ZMAT4: variants seen among roughly 807,000 people sequenced by gnomAD.
ZMAT4 encodes zinc finger matrin-type 4.
ZMAT4 carries 17 observed loss-of-function variants against 28.7 expected under a neutral mutation model. That is an observed-to-expected ratio of 0.59 (90% confidence interval 0.41 to 0.89). The LOEUF (loss-of-function observed/expected upper bound fraction) is 0.89, where lower values mean the gene tolerates loss of function less well. Among genes scored for constraint, ZMAT4 ranks in the 40% least tolerant of loss-of-function variants. The probability of loss-of-function intolerance (pLI) is 0.00; values close to 1 mark genes in which losing one functional copy is unlikely to be tolerated. For synonymous variants in ZMAT4, 117 were observed against 109.2 expected, an observed-to-expected ratio of 1.07 and a Z score of -0.44; for missense variants, 240 against 283.8, an observed-to-expected ratio of 0.85 and a Z score of 1.11.
rs1474201834 is a variant in ZMAT4, at chr8:40,668,888, T to TA, written c.577+5815_577+5816insT. On this transcript the variant is annotated intron_variant, in intron 5 of 6. Transcript: ENST00000297737. ...AACTGCCTTTTAAAGTGTTTTTTTT[T>TA]TTTTATATTGGACAATGCCCTTGAC... Among the ~76,000 whole-genome samples the TA allele has an allele frequency of 5.3e-5, 8 of 151,862 alleles. No homozygotes were observed. In the East Asian group the frequency reaches 1.5e-3, roughly 29 times the overall value.
chr8:40,634,782 C>G (rs1806729799), intron 5 of ZMAT4, among the ~76,000 whole-genome samples: 1 of 152,150 alleles, frequency 6.6e-6, no homozygotes, highest in African/African-American at 2.4e-5. Context: ...TAATCTCATA[C>G]AACTCGCTTG....
intron 5 of ZMAT4, among the ~76,000 whole-genome samples, chr8:40,654,347 A>G (rs1205781801): frequency 6.6e-6 from 1 of 152,130 alleles, no homozygotes; most frequent in African/African-American, 2.4e-5. Flanking sequence ...AATGCATGCA[A>G]TGAGGCACTT....
intron 5 of ZMAT4, among the ~76,000 whole-genome samples, chr8:40,628,130 G>A (rs1256391923): frequency 3.9e-5 from 6 of 152,120 alleles, no homozygotes; most frequent in African/African-American, 1.2e-4. Context: ...TCAACATCTC[G>A]ATCATAGCAT....
chr8:40,768,883 C>G (rs1188649006), intron 2 of ZMAT4, among the ~76,000 whole-genome samples: 1 of 152,120 alleles, frequency 6.6e-6, no homozygotes, highest in African/African-American at 2.4e-5. Flanking sequence ...ACTTTATTTA[C>G]AGTTGCATCC....
intron 3 of ZMAT4, among the ~76,000 whole-genome samples, chr8:40,756,455 T>TATATATATATATATATATATATATAC (rs1171649512): frequency 8.2e-6 from 1 of 122,654 alleles, no homozygotes. Flanking sequence ...TATATATATA[T>TATATATATATATATATATATATATAC]ATACACACTT....
intron 3 of ZMAT4, 50 bp downstream of exon 3, chr8:40,767,591 A>G: frequency 6.6e-7 from 1 of 1,512,630 alleles, no homozygotes; most frequent in Admixed American, 1.9e-5. Flanking sequence ...CAAAGTTCTC[A>G]GTACACAGAA....
At chr8:40,760,333 C>G (rs1207329508) in intron 3 of ZMAT4, among the ~76,000 whole-genome samples, 6 of 152,056 alleles carry the variant, frequency 3.9e-5, no homozygotes, top group Non-Finnish European at 7.4e-5. Context: ...TTTTATTTGA[C>G]CCTTTGGAAA....
chr8:40,781,485 G>A (rs575725773), intron 2 of ZMAT4, among the ~76,000 whole-genome samples: 39 of 152,170 alleles, frequency 2.6e-4, no homozygotes, highest in Non-Finnish European at 3.4e-4. Flanking sequence ...AAATAAGGCC[G>A]GGCGCGGTGG....
At chr8:40,876,753 G>A (rs766943549) in intron 1 of ZMAT4, among the ~76,000 whole-genome samples, 1 of 152,170 alleles carries the variant, frequency 6.6e-6, no homozygotes, top group African/African-American at 2.4e-5. Context: ...TCAGTAGTAG[G>A]CTATTAGTAG....
intron 2 of ZMAT4, among the ~76,000 whole-genome samples, chr8:40,798,990 G>T (rs1814710548): frequency 1.3e-5 from 2 of 152,160 alleles, no homozygotes; most frequent in Non-Finnish European, 2.9e-5. Context: ...CTTCTCTCTT[G>T]CTGTGTCTGT....
At chr8:40,684,445 C>T (rs1032812685) in intron 4 of ZMAT4, among the ~76,000 whole-genome samples, 1 of 152,176 alleles carries the variant, frequency 6.6e-6, no homozygotes, top group Admixed American at 6.5e-5. Flanking sequence ...TCTTGGAGTA[C>T]TGAGCTGGAG....
intron 3 of ZMAT4, among the ~76,000 whole-genome samples, chr8:40,751,504 A>T (rs996990372): frequency 6.6e-6 from 1 of 152,012 alleles, no homozygotes; most frequent in African/African-American, 2.4e-5. Flanking sequence ...TGAATTAGAT[A>T]AACCATTCTA....
At position 40,620,427 on chromosome 8, in the gene ZMAT4, C is replaced by T. The variant is rs143312562; in HGVS notation, c.578-39166G>A. On this transcript the variant is annotated intron_variant, in intron 5 of 6. Coordinates refer to ENST00000297737, the MANE Select transcript of ZMAT4 (RefSeq NM_024645.3). ...ACAGTGAGATCATTTTTCCCCAGAG[C>T]TAGTGATCTGTTAACCTGATTAATA... Among the ~76,000 whole-genome samples, 675 of 152,308 alleles carry T rather than the reference C, an allele frequency of 4.4e-3. 4 individuals are homozygous for T. The highest frequency in any genetic ancestry group is 0.015 in the African/African-American group (643 of 41,562).
intron 3 of ZMAT4, among the ~76,000 whole-genome samples, chr8:40,715,860 C>A (rs529201296): frequency 1.6e-4 from 24 of 152,348 alleles, no homozygotes; most frequent in African/African-American, 5.8e-4. Context: ...TCCAAACAAC[C>A]TGCAACCCTG....
chr8:40,700,393 G>A (rs1229437179), intron 3 of ZMAT4, among the ~76,000 whole-genome samples: 2 of 149,764 alleles, frequency 1.3e-5, no homozygotes, highest in Non-Finnish European at 1.5e-5. Context: ...ACTTCCTTGA[G>A]GGGAAGCTGC....
intron 3 of ZMAT4, among the ~76,000 whole-genome samples, chr8:40,722,699 A>G (rs1811152650): frequency 6.6e-6 from 1 of 152,070 alleles, no homozygotes; most frequent in South Asian, 2.1e-4. Flanking sequence ...ACCACCAACA[A>G]ACACCCTCCC....
chr8:40,818,671 C>T (rs1227532474), intron 2 of ZMAT4, among the ~76,000 whole-genome samples: 1 of 152,204 alleles, frequency 6.6e-6, no homozygotes, highest in African/African-American at 2.4e-5. Flanking sequence ...TTGAACACTT[C>T]ACCTGCATTA....
At chr8:40,656,019 A>G (rs751653230) in intron 5 of ZMAT4, among the ~76,000 whole-genome samples, 3 of 152,160 alleles carry the variant, frequency 2.0e-5, no homozygotes, top group Non-Finnish European at 4.4e-5. Context: ...AAGATTGTCC[A>G]CAGAATGAGA....
chr8:40,667,791 T>C (rs2167454), intron 5 of ZMAT4, among the ~76,000 whole-genome samples: 78,205 of 148,870 alleles, frequency 0.53, 20,911 homozygotes, highest in Middle Eastern at 0.63. Context: ...GATTGGTTGC[T>C]TGCCACTTCA....
Sources: allele counts gnomAD v4.1 joint callset (sites outside exome capture counted in the v4.1 genomes callset), GRCh38; gene constraint gnomAD v4.1.1; transcripts MANE v1.5; gene names NCBI Gene and HGNC (gene_info 2026-07-23, HGNC 2026-07-21).